The following RIMBP2 variants were observed in gnomAD, a reference collection of about 807,000 sequenced individuals.
RIMBP2 encodes RIMS binding protein 2.
In RIMBP2, 48 loss-of-function variants were observed where a neutral mutation model predicts 118.6. The observed-to-expected ratio is 0.40, with a 90% CI of 0.32 to 0.51. RIMBP2 has a LOEUF of 0.51. Among genes scored for constraint, RIMBP2 ranks in the 20% least tolerant of loss-of-function variants. RIMBP2 has a pLI of 0.41. For missense variants in RIMBP2, 1,551 were observed against 1,768.3 expected (o/e 0.88, Z 2.20); for synonymous variants, 762 against 742.9 (o/e 1.03, Z -0.42).
chr12:130,571,374 C>A (rs2057633882), intron 2 of RIMBP2, among the ~76,000 whole-genome samples: 1 of 150,484 alleles, frequency 6.6e-6, no homozygotes, highest in African/African-American at 2.4e-5. Context: ...CTGCCACACA[C>A]AAGACTCAGC....
chr12:130,691,687 G>A (rs987393040), intron 1 of RIMBP2, among the ~76,000 whole-genome samples: 4 of 152,144 alleles, frequency 2.6e-5, no homozygotes, highest in African/African-American at 7.2e-5. Context: ...AAGAAGAAGC[G>A]GGTACCACAG....
chr12:130,539,247 AAC>A (rs1323869985), intron 2 of RIMBP2, among the ~76,000 whole-genome samples: 1 of 152,240 alleles, frequency 6.6e-6, no homozygotes, highest in African/African-American at 2.4e-5. Context: ...TGTATTATAT[AAC>A]AGTGTCAGTG....
chr12:130,680,581 A>C (rs189895816), intron 1 of RIMBP2, among the ~76,000 whole-genome samples: 1 of 152,330 alleles, frequency 6.6e-6, no homozygotes. Flanking sequence ...GCCTGCTTCT[A>C]GGACCGCGGC....
At chr12:130,508,086 C>T (rs2050538208) in intron 3 of RIMBP2, among the ~76,000 whole-genome samples, 1 of 152,078 alleles carries the variant, frequency 6.6e-6, no homozygotes, top group African/African-American at 2.4e-5. Context: ...ATCCAAATGC[C>T]CCCGGAGAAA....
chr12:130,487,927 G>A (rs2138353518), intron 4 of RIMBP2, among the ~76,000 whole-genome samples: 1 of 152,224 alleles, frequency 6.6e-6, no homozygotes, highest in Admixed American at 6.5e-5. Flanking sequence ...TGACTCTGCA[G>A]CAATGCTGTA....
intron 1 of RIMBP2, among the ~76,000 whole-genome samples, chr12:130,662,304 G>C (rs934302543): frequency 4.6e-5 from 7 of 152,092 alleles, no homozygotes; most frequent in Admixed American, 4.6e-4. Flanking sequence ...CCTTGGCCAG[G>C]CTTCCTGCTT....
At chr12:130,567,169 G>T (rs1360312329) in intron 2 of RIMBP2, among the ~76,000 whole-genome samples, 4 of 152,218 alleles carry the variant, frequency 2.6e-5, no homozygotes, top group Non-Finnish European at 5.9e-5. Flanking sequence ...CTTTTGAGAT[G>T]TCCAGATGGG....
chr12:130,703,391 C>T lies in RIMBP2; in HGVS notation c.-352+12831G>A, dbSNP rs1157409781. On this transcript the variant is annotated intron_variant, in intron 1 of 22. Coordinates refer to ENST00000690449, the MANE Select transcript of RIMBP2 (RefSeq NM_001393629.1). This position sits in a 1 kb window ranked among gnomAD's most constrained non-coding sequence, Gnocchi z 5.7. Reference sequence around the variant, plus strand: ...TCTAACATCAGTGTTTGAAAATGACCTTGTGTTAGAACTGTGGTGGGAAGA... The same window carrying T: ...TCTAACATCAGTGTTTGAAAATGACTTTGTGTTAGAACTGTGGTGGGAAGA... 6.6e-6 allele frequency among the ~76,000 whole-genome samples: 1 copy of T among 152,192 alleles called. No individual in the cohort carries two copies. The highest frequency in any genetic ancestry group is 6.5e-5 in the Admixed American group (1 of 15,284).
At chr12:130,495,005 C>A (rs988514190) in intron 4 of RIMBP2, among the ~76,000 whole-genome samples, 13 of 151,920 alleles carry the variant, frequency 8.6e-5, no homozygotes, top group Non-Finnish European at 1.8e-4. Context: ...GATCTTTGAC[C>A]AGAAGACACC....
At chr12:130,463,263 G>A (rs1472188641) in intron 6 of RIMBP2, among the ~76,000 whole-genome samples, 1 of 152,218 alleles carries the variant, frequency 6.6e-6, no homozygotes, top group Non-Finnish European at 1.5e-5. Context: ...CCGGCTGCAG[G>A]GATGCAGGGA....
chr12:130,485,133 G>C (rs1187736691), intron 4 of RIMBP2, among the ~76,000 whole-genome samples: 2 of 152,246 alleles, frequency 1.3e-5, no homozygotes, highest in African/African-American at 4.8e-5. Flanking sequence ...AGGGACTCAT[G>C]AGGCAACCAG....
intron 21 of RIMBP2, 28 bp downstream of exon 21, chr12:130,406,144 G>A: frequency 7.8e-7 from 1 of 1,279,022 alleles, no homozygotes; most frequent in Non-Finnish European, 1.1e-6. Flanking sequence ...AAAATCAAAT[G>A]GTACTTCTTG....
chr12:130,556,975 A>G (rs2056417561), intron 2 of RIMBP2, among the ~76,000 whole-genome samples: 1 of 152,146 alleles, frequency 6.6e-6, no homozygotes, highest in African/African-American at 2.4e-5. Flanking sequence ...AATTATGTCC[A>G]TGACCCCAAG....
chr12:130,605,405 T>C (rs1471678028), intron 2 of RIMBP2, among the ~76,000 whole-genome samples: 1 of 152,190 alleles, frequency 6.6e-6, no homozygotes, highest in Non-Finnish European at 1.5e-5. Flanking sequence ...ACATCATACA[T>C]GAGGCGTGGC....
intron 2 of RIMBP2, among the ~76,000 whole-genome samples, chr12:130,540,161 T>C (rs2054472880): frequency 6.6e-6 from 1 of 152,206 alleles, no homozygotes; most frequent in African/African-American, 2.4e-5. Context: ...CAAAAGTTGA[T>C]GGAAACCAGT....
At chr12:130,423,633 A>G (rs2076559240) in intron 16 of RIMBP2, among the ~76,000 whole-genome samples, 1 of 151,428 alleles carries the variant, frequency 6.6e-6, no homozygotes, top group Non-Finnish European at 1.5e-5. Flanking sequence ...TGGGAAAAAA[A>G]CAAGAACTTT....
At chr12:130,689,963 C>T (rs2065239046) in intron 1 of RIMBP2, among the ~76,000 whole-genome samples, 1 of 152,138 alleles carries the variant, frequency 6.6e-6, no homozygotes, top group South Asian at 2.1e-4. Context: ...AAGGGGAGAA[C>T]CTACTCTCAG....
intron 13 of RIMBP2, among the ~76,000 whole-genome samples, chr12:130,436,305 G>T (rs897686720): frequency 2.6e-5 from 4 of 152,126 alleles, no homozygotes; most frequent in African/African-American, 9.7e-5. Flanking sequence ...GTATGCAGGG[G>T]TCTATATGTC....
At chr12:130,463,737 G>A (rs909469242) in intron 6 of RIMBP2, among the ~76,000 whole-genome samples, 7 of 152,102 alleles carry the variant, frequency 4.6e-5, no homozygotes, top group Non-Finnish European at 8.8e-5. Context: ...AATAGGGGCT[G>A]GGAAAGATGA....
Sources: gnomAD v4.1 joint callset for allele counts (sites outside exome capture counted in the v4.1 genomes callset) on GRCh38, gnomAD v4.1.1 for gene constraint, Gnocchi (gnomAD v3.1) non-coding constraint, MANE v1.5 for transcripts, NCBI Gene and HGNC (gene_info 2026-07-23, HGNC 2026-07-21) for gene names.